TRA2A: variants seen among roughly 807,000 people sequenced by gnomAD.
TRA2A encodes the protein transformer 2 alpha homolog, also known as transformer-2 protein homolog alpha.
Under a neutral mutation model 45.7 loss-of-function variants are expected in TRA2A, and 31 were observed. That is an observed-to-expected ratio of 0.68 (90% CI 0.51 to 0.92). The LOEUF (loss-of-function observed/expected upper bound fraction) is 0.92, where lower values mean the gene tolerates loss of function less well. Among genes scored for constraint, TRA2A ranks in the 40% least tolerant of loss-of-function variants. The pLI is 0.00. For missense variants in TRA2A, 304 were observed against 367.5 expected (o/e 0.83, Z 1.41); for synonymous variants, 132 against 126.2 (o/e 1.05, Z -0.31).
At chr7:23,518,914 TGACCTCAA>T (rs1330157332) in intron 2 of TRA2A, among the ~76,000 whole-genome samples, 1 of 152,158 alleles carries the variant, frequency 6.6e-6, no homozygotes, top group Non-Finnish European at 1.5e-5. Flanking sequence ...CTAGAACTCC[TGACCTCAA>T]GTGATCCACC....
At position 23,531,630 on chromosome 7, in the gene TRA2A, G is replaced by A. The variant is rs1584154738; in HGVS notation, c.36+159C>T. On this transcript the variant is annotated intron_variant, in intron 1 of 7. Transcript: ENST00000297071. The stretch of plus-strand genomic sequence containing the variant: ...TATCCGTGGTGTTTGGGGAAGGAGT[G>A]GAACCCAGAAGCCATCTTGGGATGG... 9 of 723,486 alleles carry A rather than the reference G, an allele frequency of 1.2e-5. No homozygotes were observed. In the East Asian group the frequency reaches 1.6e-4, roughly 13 times the overall value. The allele number at this position is 723,486 out of a possible 1,614,324, so 44.8% of individuals were successfully genotyped here.
intron 3 of TRA2A, among the ~76,000 whole-genome samples, chr7:23,515,362 T>C (rs1412813843): frequency 1.3e-5 from 2 of 150,960 alleles, no homozygotes; most frequent in African/African-American, 4.9e-5. Context: ...CCGGAGTAGC[T>C]GGGACTACAG....
chr7:23,531,697 G>C lies in TRA2A; in HGVS notation c.36+92C>G, dbSNP rs769538404. 83 of 1,437,594 alleles carry C rather than the reference G, an allele frequency of 5.8e-5. No individual in the cohort carries two copies. In the Middle Eastern group the frequency reaches 2.1e-3, roughly 36 times the overall value. 89.1% of individuals were successfully genotyped at this position (1,437,594 alleles called of 1,614,324 possible). A position where few individuals can be genotyped will look rare whatever the true frequency, so the allele number is the denominator to read the frequency against. ...TGGCTCCAGAGGTTGCTCCTCGCGG[G>C]ACTACCCGCAACCCCGCCCGACCGC... On this transcript the variant is annotated intron_variant, in intron 1 of 7. Coordinates refer to ENST00000297071, the MANE Select transcript of TRA2A (RefSeq NM_013293.5).
chr7:23,510,854 A>G (rs1037382011), intron 4 of TRA2A, among the ~76,000 whole-genome samples: 1 of 152,012 alleles, frequency 6.6e-6, no homozygotes, highest in Non-Finnish European at 1.5e-5. Context: ...AAAAAAAAAA[A>G]TCATAAGACT....
chr7:23,523,864 T>C (rs1206760061), intron 1 of TRA2A, among the ~76,000 whole-genome samples: 2 of 152,226 alleles, frequency 1.3e-5, no homozygotes, highest in African/African-American at 2.4e-5. Flanking sequence ...ATCAAACTCA[T>C]AAGAGTATCT....
chr7:23,520,022 T>G (rs1584133660), intron 2 of TRA2A, among the ~76,000 whole-genome samples: 1 of 151,978 alleles, frequency 6.6e-6, no homozygotes, highest in African/African-American at 2.4e-5. Context: ...GAGGCAGGAG[T>G]ACAAGACCAG....
intron 4 of TRA2A, 114 bp downstream of exon 4, chr7:23,512,780 A>C: frequency 1.0e-6 from 1 of 982,142 alleles, no homozygotes; most frequent in Admixed American, 3.2e-5. Flanking sequence ...CTTTAAAAAA[A>C]AAAAAAAGAA....
chr7:23,518,280 C>T (rs1378360640), intron 2 of TRA2A, among the ~76,000 whole-genome samples: 1 of 151,996 alleles, frequency 6.6e-6, no homozygotes, highest in East Asian at 1.9e-4. Flanking sequence ...TCTTCTTTAG[C>T]CTGCTGCAAT....
intron 5 of TRA2A, 104 bp downstream of exon 5, chr7:23,507,316 C>T: frequency 5.6e-6 from 5 of 897,166 alleles, no homozygotes; most frequent in Non-Finnish European, 7.1e-6. Flanking sequence ...TTGCCCCTTG[C>T]CAGAATCAAT....
intron 1 of TRA2A, among the ~76,000 whole-genome samples, chr7:23,529,495 A>G (rs1386789912): frequency 6.6e-6 from 1 of 152,082 alleles, no homozygotes; most frequent in Non-Finnish European, 1.5e-5. Context: ...CCTAACCTCA[A>G]GTAATCCACC....
intron 3 of TRA2A, among the ~76,000 whole-genome samples, chr7:23,513,916 G>C (rs1304325726): frequency 6.6e-6 from 1 of 152,120 alleles, no homozygotes; most frequent in South Asian, 2.1e-4. Flanking sequence ...GGAATGTTGA[G>C]AAAGGTAAAA....
At chr7:23,507,833 CT>C (rs1376912686) in intron 4 of TRA2A, among the ~76,000 whole-genome samples, 3 of 152,052 alleles carry the variant, frequency 2.0e-5, no homozygotes, top group Non-Finnish European at 4.4e-5. Flanking sequence ...ACAAACTTTC[CT>C]AAATAATTTT....
chr7:23,509,670 T>C (rs1584110436), intron 4 of TRA2A, among the ~76,000 whole-genome samples: 1 of 149,336 alleles, frequency 6.7e-6, no homozygotes, highest in Non-Finnish European at 1.5e-5. Flanking sequence ...GAGGCAGAGG[T>C]TGCAGTGAGC....
intron 1 of TRA2A, among the ~76,000 whole-genome samples, chr7:23,530,418 T>C (rs917267438): frequency 5.9e-5 from 9 of 152,236 alleles, no homozygotes; most frequent in Admixed American, 5.9e-4. Context: ...TTTGACTTTT[T>C]GGTTCTAGAT....
At chr7:23,520,863 T>C (rs1790105455) in intron 2 of TRA2A, among the ~76,000 whole-genome samples, 1 of 151,936 alleles carries the variant, frequency 6.6e-6, no homozygotes, top group Non-Finnish European at 1.5e-5. Flanking sequence ...CAGCTAATTT[T>C]TGTATTTGTA....
chr7:23,505,591 A>AAAAAAAAAAAAAAAAAAATT, intron 7 of TRA2A, 22 bp from the exon 8 acceptor site: 2 of 583,306 alleles, frequency 3.4e-6, no homozygotes, highest in Non-Finnish European at 6.1e-6. Flanking sequence ...AAAGCAAAAA[A>AAAAAAAAAAAAAAAAAAATT]AAAAAAAAAA....
rs3947661 is a variant in TRA2A, at chr7:23,517,321, T to C, written c.171-793A>G. On this transcript the variant is annotated intron_variant, in intron 2 of 7. Coordinates refer to ENST00000297071, the MANE Select transcript of TRA2A (RefSeq NM_013293.5). ...CATGGTGAAACCCCTCTACTAAAAA[T>C]ACAAAAAATTAGCTGGGCATGGTGG... Among the ~76,000 whole-genome samples, 5 of 141,980 alleles carry C rather than the reference T, an allele frequency of 3.5e-5. No individual in the cohort carries two copies. In the East Asian group the frequency reaches 6.6e-4, roughly 19 times the overall value. 93.1% of individuals were successfully genotyped at this position (141,980 alleles called of 152,430 possible).
chr7:23,522,175 C>T lies in TRA2A; in HGVS notation c.37-335G>A, dbSNP rs1042867463. ...TCCAGATTCTTTTAATTCTACTTCA[C>T]TCTTGCTTTCTACTTCTCTTCATTC... On this transcript the variant is annotated intron_variant, in intron 1 of 7. Transcript: ENST00000297071. 4 of 1,149,414 alleles carry T rather than the reference C, an allele frequency of 3.5e-6. No individual in the cohort carries two copies. In the African/African-American group the frequency reaches 6.5e-5, roughly 19 times the overall value. The allele number at this position is 1,149,414 out of a possible 1,614,324, so 71.2% of individuals were successfully genotyped here.
chr7:23,506,182 A>G lies in TRA2A; in HGVS notation c.726T>C (p.Tyr242=), dbSNP rs1461980223. 2.5e-6 allele frequency: 4 copies of G among 1,613,844 alleles called. No homozygotes were observed. In the South Asian group the frequency reaches 4.4e-5, roughly 18 times the overall value. ...RRRDSYYDRG[Y]DRGYDRYEDY... ...CTTCATATCTGTCATACCCACGATC[A>G]TATCCTCTATCATAGTAAGAATCTC... The change falls in exon 6 of 8, where the codon TAT becomes TAC. Residue 242 remains tyrosine (Y), a synonymous_variant. Transcript: ENST00000297071.
Sources: gnomAD v4.1 joint callset for allele counts (sites outside exome capture counted in the v4.1 genomes callset) on GRCh38, gnomAD v4.1.1 for gene constraint, MANE v1.5 for transcripts, NCBI Gene and HGNC (gene_info 2026-07-23, HGNC 2026-07-21) for gene names.